UBA6: variants seen among roughly 807,000 people sequenced by gnomAD.
The protein encoded by UBA6 is ubiquitin like modifier activating enzyme 6.
A neutral mutation model predicts 148.3 loss-of-function variants in UBA6; 87 were observed. That is an observed-to-expected ratio of 0.59 (90% CI 0.49 to 0.70). The LOEUF (loss-of-function observed/expected upper bound fraction) is 0.70. UBA6 is among the 30% of genes least tolerant of loss of function. The probability of loss-of-function intolerance (pLI) is 0.00; values close to 1 mark genes in which losing one functional copy is unlikely to be tolerated. For missense variants in UBA6, 1,186 were observed against 1,241.2 expected (o/e 0.96, Z 0.67); for synonymous variants, 376 against 401.0 (o/e 0.94, Z 0.75).
At chr4:67,627,712 T>G (rs1265246655) in intron 27 of UBA6, among the ~76,000 whole-genome samples, 1 of 150,838 alleles carries the variant, frequency 6.6e-6, no homozygotes, top group Non-Finnish European at 1.5e-5. Flanking sequence ...TTTCCTAAAA[T>G]AAAAACGCAG....
chr4:67,684,840 A>G (rs1244714469), intron 2 of UBA6, among the ~76,000 whole-genome samples: 1 of 152,214 alleles, frequency 6.6e-6, no homozygotes, highest in Non-Finnish European at 1.5e-5. Flanking sequence ...TTTACTATGC[A>G]CCACATGTTG....
In UBA6 at chr4:67,623,342, T is replaced by C. The variant is rs1728796048; in HGVS notation, c.2841-120A>G. ...TATTTGTGATCAGGCTAGAAATTAA[T>C]GTGGGGAAATAAAGGATAATATATC... is the stretch of plus-strand genomic sequence containing the variant. On this transcript the variant is annotated intron_variant, in intron 30 of 32. Transcript: ENST00000322244. 8 of 661,050 alleles carry C rather than the reference T, an allele frequency of 1.2e-5. No homozygotes were observed. In the South Asian group the frequency reaches 1.4e-4, roughly 11 times the overall value. 40.9% of individuals were successfully genotyped at this position (661,050 alleles called of 1,614,324 possible). A position where few individuals can be genotyped will look rare whatever the true frequency, so the allele number is the denominator to read the frequency against.
At chr4:67,630,348 C>G (rs931931946) in intron 26 of UBA6, 118 bp downstream of exon 26, 13 of 736,336 alleles carry the variant, frequency 1.8e-5, no homozygotes, top group Non-Finnish European at 2.8e-5. Context: ...AATAAAAATT[C>G]TGTATCAAAA....
chr4:67,669,652 G>A (rs980017893), intron 8 of UBA6, among the ~76,000 whole-genome samples: 6 of 151,950 alleles, frequency 3.9e-5, no homozygotes, highest in African/African-American at 9.7e-5. Flanking sequence ...TCAAGAGTGC[G>A]GTTAGAAAAT....
At chr4:67,675,443 G>C (rs1730256203) in intron 6 of UBA6, among the ~76,000 whole-genome samples, 1 of 152,030 alleles carries the variant, frequency 6.6e-6, no homozygotes, top group Non-Finnish European at 1.5e-5. Context: ...AATTCTTGGA[G>C]GTTTAGGCTG....
At chr4:67,691,368 A>G (rs1297309623) in intron 2 of UBA6, among the ~76,000 whole-genome samples, 1 of 152,230 alleles carries the variant, frequency 6.6e-6, no homozygotes, top group Non-Finnish European at 1.5e-5. Context: ...AAGATGCAGT[A>G]TTCAGTCATA....
chr4:67,677,576 T>A, intron 6 of UBA6, 35 bp downstream of exon 6: 1 of 1,125,152 alleles, frequency 8.9e-7, no homozygotes, highest in Non-Finnish European at 1.3e-6. Context: ...CCCTGGAACC[T>A]GTCAATAACA....
chr4:67,685,859 G>A (rs1367125476), intron 2 of UBA6, among the ~76,000 whole-genome samples: 1 of 152,080 alleles, frequency 6.6e-6, no homozygotes, highest in Non-Finnish European at 1.5e-5. Context: ...ATGACCCCTT[G>A]ATCTTACACT....
chr4:67,660,492 T>C (rs113876086), intron 13 of UBA6, among the ~76,000 whole-genome samples: 2,950 of 152,300 alleles, frequency 0.019, 71 homozygotes, highest in East Asian at 0.1. Flanking sequence ...CCCTAAGCCT[T>C]GGTGGCTTAC....
intron 13 of UBA6, among the ~76,000 whole-genome samples, chr4:67,659,799 A>C (rs780385713): frequency 1.5e-4 from 23 of 152,206 alleles, no homozygotes; most frequent in Middle Eastern, 3.4e-3. Flanking sequence ...AGAAAGGAAG[A>C]TGTGGGAAAG....
At chr4:67,659,758 G>A (rs1729803165) in intron 13 of UBA6, among the ~76,000 whole-genome samples, 1 of 147,946 alleles carries the variant, frequency 6.8e-6, no homozygotes, top group South Asian at 2.2e-4. Flanking sequence ...ACTGGAAAAC[G>A]CAGAGGTTGG....
At chr4:67,687,535 T>C (rs2109955673) in intron 2 of UBA6, among the ~76,000 whole-genome samples, 1 of 152,256 alleles carries the variant, frequency 6.6e-6, no homozygotes, top group Non-Finnish European at 1.5e-5. Context: ...CATCTACTCA[T>C]TTTACATTTA....
intron 2 of UBA6, among the ~76,000 whole-genome samples, chr4:67,686,362 C>G (rs1730559225): frequency 1.3e-5 from 2 of 152,122 alleles, no homozygotes; most frequent in African/African-American, 4.8e-5. Flanking sequence ...TTTTGAGTCC[C>G]CCTCAACATT....
At chr4:67,668,088 T>C (rs1176331327) in intron 9 of UBA6, among the ~76,000 whole-genome samples, 1 of 152,214 alleles carries the variant, frequency 6.6e-6, no homozygotes, top group African/African-American at 2.4e-5. Flanking sequence ...TGACTGACCA[T>C]GTAGAAATCT....
intron 27 of UBA6, among the ~76,000 whole-genome samples, chr4:67,627,335 C>T (rs932161117): frequency 6.6e-6 from 1 of 151,828 alleles, no homozygotes; most frequent in African/African-American, 2.4e-5. Flanking sequence ...CATCTGTAAC[C>T]AGCAGTACCA....
intron 16 of UBA6, among the ~76,000 whole-genome samples, chr4:67,645,546 G>A (rs1000165259): frequency 1.3e-5 from 2 of 151,480 alleles, no homozygotes; most frequent in African/African-American, 2.4e-5. Context: ...GCAGTGAGCC[G>A]AGATCATGCC....
chr4:67,640,912 A>G (rs1729290683), intron 18 of UBA6, among the ~76,000 whole-genome samples: 1 of 152,208 alleles, frequency 6.6e-6, no homozygotes, highest in Non-Finnish European at 1.5e-5. Flanking sequence ...CCTGGTGATT[A>G]CAAAATGAAA....
chr4:67,678,331 A>G (rs1730340810), intron 5 of UBA6, 108 bp downstream of exon 5: 3 of 568,456 alleles, frequency 5.3e-6, no homozygotes, highest in Non-Finnish European at 8.7e-6. Flanking sequence ...TATAAAGTAG[A>G]GCACTTTATA....
chr4:67,637,203 C>T (rs1190315249), intron 19 of UBA6, among the ~76,000 whole-genome samples: 195 of 150,216 alleles, frequency 1.3e-3, no homozygotes, highest in African/African-American at 4.4e-3. Flanking sequence ...CCCGGCCAGC[C>T]GCCCCGTCCG....
Sources: allele counts gnomAD v4.1 joint callset (sites outside exome capture counted in the v4.1 genomes callset), GRCh38; gene constraint gnomAD v4.1.1; transcripts MANE v1.5; gene names NCBI Gene and HGNC (gene_info 2026-07-23, HGNC 2026-07-21).